Variants in HINFP observed in about 807,000 individuals in gnomAD.
The protein encoded by HINFP is histone H4 transcription factor.
Under a neutral mutation model 50.1 loss-of-function variants are expected in HINFP, and 20 were observed. The ratio of observed to expected loss-of-function variants is 0.40; its 90% CI spans 0.28 to 0.58. The LOEUF (loss-of-function observed/expected upper bound fraction) is 0.58, where lower values mean the gene tolerates loss of function less well. HINFP is among the 20% of genes least tolerant of loss of function. The pLI, the probability that HINFP is intolerant of heterozygous loss-of-function variation, is 0.45. For missense variants in HINFP, 505 were observed against 664.1 expected (o/e 0.76, Z 2.63); for synonymous variants, 247 against 243.7 (o/e 1.01, Z -0.13).
rs534188004 is a variant in HINFP at position 119,133,173 on chromosome 11, C to T, written c.1093C>T (p.Arg365Cys). The change falls in exon 9 of 10, where the codon CGC becomes TGC. Residue 365 changes from arginine (R) to cysteine (C), a missense_variant. Arg to Cys is a radical substitution (Grantham distance 180). Transcript: ENST00000350777. The stretch of plus-strand genomic sequence containing the variant: ...GGGCAACAACCTCACCGTGCACCTT[C>T]GCAAGAAGCACCAGTTCAAGTGGCC... ...TRGNNLTVHL[R>C]KKHQFKWPSG... 2.1e-5 allele frequency: 34 copies of T among 1,614,236 alleles called. No individual in the cohort carries two copies. The Admixed American group carries it at 2.8e-4, about 13-fold the overall frequency.
rs773121194 is a variant in HINFP at position 119,131,565 on chromosome 11, C to T, written c.442C>T (p.Arg148Trp). The change falls in exon 4 of 10, where the codon CGG becomes TGG. Residue 148 changes from arginine (R) to tryptophan (W), a missense_variant. Physicochemically the swap from Arg to Trp is moderately radical, Grantham distance 101 (BLOSUM62 -3). Coordinates refer to ENST00000350777, the MANE Select transcript of HINFP (RefSeq NM_198971.3). This position sits in a 1 kb window ranked among gnomAD's most constrained non-coding sequence, Gnocchi z 4.2. ...CTTCGACAATCCTGAGTGGTTTTAT[C>T]GGCATGTGGAAGCACACAGTCTGTG... Reference protein sequence around the residue: ...NSFDNPEWFYRHVEAHSLCCE... With the variant: ...NSFDNPEWFYWHVEAHSLCCE... 2.5e-6 allele frequency: 4 copies of T among 1,614,100 alleles called. No individual in the cohort carries two copies. Among genetic ancestry groups the T allele is most frequent in the Admixed American group, 1.7e-5 (1 of 60,014 alleles).
In HINFP at chr11:119,131,808, A is replaced by T. The variant is rs115200680; in HGVS notation, c.524-22A>T. The T allele has an allele frequency of 1.1e-3, 1,848 of 1,612,858 alleles. 21 individuals carry two copies. In the African/African-American group the frequency reaches 0.021, roughly 19 times the overall value. On this transcript the variant is annotated intron_variant, in intron 4 of 9. Coordinates refer to ENST00000350777, the MANE Select transcript of HINFP (RefSeq NM_198971.3). This position sits in a 1 kb window ranked among gnomAD's most constrained non-coding sequence, Gnocchi z 4.2. Reference sequence around the variant, plus strand: ...CAAAACTGGGGTTTTGTGGCAGGAGACTGATAGGGCTTCCTTCCCAGGCTG... The same window carrying T: ...CAAAACTGGGGTTTTGTGGCAGGAGTCTGATAGGGCTTCCTTCCCAGGCTG...
At chr11:119,130,521 C>G (rs964834507) in intron 2 of HINFP, 2 of 569,508 alleles carry the variant, frequency 3.5e-6, no homozygotes, top group Admixed American at 3.2e-5. Context: ...GAGTGGGACA[C>G]TTTTTACTTG....
At position 119,134,587 on chromosome 11, in the gene HINFP, G is replaced by T. The variant is rs1024605293; in HGVS notation, c.*89G>T. 1.9e-6 allele frequency: 2 copies of T among 1,055,992 alleles called. No individual in the cohort carries two copies. Among genetic ancestry groups the T allele is most frequent in the African/African-American group, 3.2e-5 (2 of 62,782 alleles). The allele number at this position is 1,055,992 out of a possible 1,614,324, so 65.4% of individuals were successfully genotyped here. A position where few individuals can be genotyped will look rare whatever the true frequency, so the allele number is the denominator to read the frequency against. ...CCCCTAGTGGGCAGCCGTTGCCAAT[G>T]GATGCCTTTAGGAGTGGTGCCGAGA... On this transcript the variant is annotated 3_prime_UTR_variant, in exon 10 of 10. Coordinates refer to ENST00000350777, the MANE Select transcript of HINFP (RefSeq NM_198971.3). The surrounding 1 kb of genome is among the most constrained non-coding windows in gnomAD (Gnocchi z 4.3).
chr11:119,134,376 A>G lies in HINFP; in HGVS notation c.1432A>G (p.Ile478Val), dbSNP rs377669078. The change falls in exon 10 of 10, where the codon ATC becomes GTC. Residue 478 changes from isoleucine (I) to valine (V), a missense_variant. Transcript: ENST00000350777. The surrounding 1 kb of genome is among the most constrained non-coding windows in gnomAD (Gnocchi z 4.3). Reference protein sequence around the residue: ...NQTNAQGQQEIVYYVLSEAPG... With the variant: ...NQTNAQGQQEVVYYVLSEAPG... Reference sequence around the variant, plus strand: ...GACCAATGCCCAAGGCCAGCAAGAGATCGTCTACTATGTGCTGTCTGAAGC... The same window carrying G: ...GACCAATGCCCAAGGCCAGCAAGAGGTCGTCTACTATGTGCTGTCTGAAGC... 1.9e-6 allele frequency: 3 copies of G among 1,614,016 alleles called. No individual in the cohort carries two copies. Among genetic ancestry groups the G allele is most frequent in the African/African-American group, 1.3e-5 (1 of 74,912 alleles).
chr11:119,124,492 T>C (rs1947275676), intron 1 of HINFP: 1 of 152,148 alleles, frequency 6.6e-6, no homozygotes, highest in Non-Finnish European at 1.5e-5. Context: ...GAAATTTTGC[T>C]TGCAACGTCA....
rs1242256656 is a variant in HINFP, at chr11:119,134,264, A to AG, written c.1321dup (p.Glu441GlyfsTer8). On this transcript the variant is annotated frameshift_variant, in exon 10 of 10. Coordinates refer to ENST00000350777, the MANE Select transcript of HINFP (RefSeq NM_198971.3). LOFTEE classifies it low-confidence loss of function (END_TRUNC). This position sits in a 1 kb window ranked among gnomAD's most constrained non-coding sequence, Gnocchi z 4.3. ...TGCCAGGGGAGCCAGGACGTAAGGA[A>AG]GAGGAAGAGGAGGGCAAGGGTAGCG... 6.2e-7 allele frequency: 1 copy of AG among 1,614,074 alleles called. No homozygotes were observed. Among genetic ancestry groups the AG allele is most frequent in the Admixed American group, 1.7e-5 (1 of 60,018 alleles).
chr11:119,123,829 C>T (rs1477447537), intron 1 of HINFP: 1 of 151,194 alleles, frequency 6.6e-6, no homozygotes, highest in Non-Finnish European at 1.5e-5. Flanking sequence ...TCCCCTGCCT[C>T]AGCCTCCATA....
At position 119,130,810 on chromosome 11, in the gene HINFP, C is replaced by G; in HGVS notation, c.267C>G (p.His89Gln). The G allele has an allele frequency of 1.2e-6, 2 of 1,614,256 alleles. No individual in the cohort carries two copies. The highest frequency in any genetic ancestry group is 1.7e-6 in the Non-Finnish European group (2 of 1,180,042). ...ACCTCATCCGCCATGTCTACTTCCA[C>G]TGCTACCACACCAAGCTGAAACAGT... ...SADLIRHVYF[H>Q]CYHTKLKQWG... is the part of the protein sequence containing the mutation. The change falls in exon 3 of 10, where the codon CAC (histidine) becomes CAG (glutamine). Residue 89 changes from histidine (H) to glutamine (Q), a missense_variant. Transcript: ENST00000350777.
Position 119,133,910 on chromosome 11 carries a change from C to A in HINFP, c.1140-174C>A, listed in dbSNP as rs908790021. 1.7e-5 allele frequency: 13 copies of A among 763,972 alleles called. No homozygotes were observed. In the African/African-American group the frequency reaches 1.8e-4, roughly 10 times the overall value. The allele number at this position is 763,972 out of a possible 1,614,324, so 47.3% of individuals were successfully genotyped here. ...TTTCCATTTTGAGTAATGATCTTTC[C>A]CTCTTGCCTTTTCTTCTACATATTC... On this transcript the variant is annotated intron_variant, in intron 9 of 9. Coordinates refer to ENST00000350777, the MANE Select transcript of HINFP (RefSeq NM_198971.3).
Position 119,133,199 on chromosome 11 carries a change from C to T in HINFP, c.1119C>T (p.Pro373=). The part of the protein sequence containing the change: ...HLRKKHQFKW[P]SGHPRFRYKE... Reference sequence around the variant, plus strand: ...GCAAGAAGCACCAGTTCAAGTGGCCCTCAGGGCATCCCCGTTTTCGGTATG... The same window carrying T: ...GCAAGAAGCACCAGTTCAAGTGGCCTTCAGGGCATCCCCGTTTTCGGTATG... Residue 373 remains proline (P), a synonymous_variant, in exon 9 of 10, where the codon CCC becomes CCT. Transcript: ENST00000350777. 2 of 1,614,174 alleles carry T rather than the reference C, an allele frequency of 1.2e-6. No homozygotes were observed. Among genetic ancestry groups the T allele is most frequent in the Non-Finnish European group, 1.7e-6 (2 of 1,180,046 alleles).
Position 119,135,564 on chromosome 11 carries a change from A to T in HINFP, c.*1066A>T, listed in dbSNP as rs1948015246. The T allele has an allele frequency of 6.6e-6, 1 of 151,384 alleles. No individual in the cohort carries two copies. The allele number at this position is 151,384 out of a possible 1,614,324, so 9.4% of individuals were successfully genotyped here. Reference sequence around the variant, plus strand: ...TTGCTAGATTATCAAAGAGATTGAAACCTCCCAAAATAAGAATCATCATTT... The same window carrying T: ...TTGCTAGATTATCAAAGAGATTGAATCCTCCCAAAATAAGAATCATCATTT... On this transcript the variant is annotated 3_prime_UTR_variant, in exon 10 of 10. Transcript: ENST00000350777.
chr11:119,129,621 C>T (rs141270315), intron 2 of HINFP, among the ~76,000 whole-genome samples: 13,480 of 151,458 alleles, frequency 0.089, 748 homozygotes, highest in South Asian at 0.29. Context: ...CCACCAAGCC[C>T]AGCTAATTTT....
Position 119,134,147 on chromosome 11 carries a change from G to C in HINFP, c.1203G>C (p.Leu401=). The change falls in exon 10 of 10, where the codon CTG becomes CTC. Residue 401 remains leucine (L), a synonymous_variant. Coordinates refer to ENST00000350777, the MANE Select transcript of HINFP (RefSeq NM_198971.3). This position sits in a 1 kb window ranked among gnomAD's most constrained non-coding sequence, Gnocchi z 4.3. ...TGGTTCGCTACGAGAGTGTAGAGCT[G>C]ACACAGCAACTGCTGCGGCAACCAC... ...LQLVRYESVE[L]TQQLLRQPQE... 6.2e-7 allele frequency: 1 copy of C among 1,613,822 alleles called. No homozygotes were observed. Among genetic ancestry groups the C allele is most frequent in the Non-Finnish European group, 8.5e-7 (1 of 1,179,928 alleles).
At chr11:119,128,227 TTAA>T (rs1278447810) in intron 2 of HINFP, among the ~76,000 whole-genome samples, 1 of 152,220 alleles carries the variant, frequency 6.6e-6, no homozygotes, top group African/African-American at 2.4e-5. Flanking sequence ...AACTGGGATT[TTAA>T]TAAAATCCAA....
Position 119,127,145 on chromosome 11 carries a change from G to A in HINFP, c.181+20G>A, listed in dbSNP as rs775850716. ...CACTTGGTAAGAGAGCAGGACACAG[G>A]AAGGGGAGGAGCTCAAGGAAAGGTG... On this transcript the variant is annotated intron_variant, in intron 2 of 9. Coordinates refer to ENST00000350777, the MANE Select transcript of HINFP (RefSeq NM_198971.3). 15 of 1,576,522 alleles carry A rather than the reference G, an allele frequency of 9.5e-6. No homozygotes were observed. The South Asian group carries it at 1.5e-4, about 16-fold the overall frequency.
At chr11:119,123,021 C>A (rs769046960) in intron 1 of HINFP, among the ~76,000 whole-genome samples, 1 of 146,216 alleles carries the variant, frequency 6.8e-6, no homozygotes, top group East Asian at 2.1e-4. Context: ...TATAATACTT[C>A]GGAGGCTAAG....
At position 119,132,909 on chromosome 11, in the gene HINFP, C is replaced by G. The variant is rs754573616; in HGVS notation, c.921C>G (p.Ser307Arg). 1 of 1,614,212 alleles carries G rather than the reference C, an allele frequency of 6.2e-7. No individual in the cohort carries two copies. Among genetic ancestry groups the G allele is most frequent in the Non-Finnish European group, 8.5e-7 (1 of 1,180,042 alleles). ...TCCAGAAGCACCTGGATACCCACAG[C>G]GAGGAGCCAGCCTACAGGTGTGATT... is the stretch of plus-strand genomic sequence containing the variant. ...IDLQKHLDTH[S>R]EEPAYRCDFE... The change falls in exon 8 of 10, where the codon AGC becomes AGG. Residue 307 changes from serine to arginine, a missense_variant. Coordinates refer to ENST00000350777, the MANE Select transcript of HINFP (RefSeq NM_198971.3).
rs772737347 is a variant in HINFP at position 119,126,911 on chromosome 11, G to A, written c.-10-24G>A. ...GCACCTGGGTGGAATTCTTGCAGCT[G>A]TGGATTTCTTCCTCTTCCTCTAGGG... On this transcript the variant is annotated intron_variant, in intron 1 of 9. Transcript: ENST00000350777. 4 of 1,580,310 alleles carry A rather than the reference G, an allele frequency of 2.5e-6. No homozygotes were observed. In the South Asian group the frequency reaches 3.5e-5, roughly 14 times the overall value.
Sources: gnomAD v4.1 joint callset for allele counts (sites outside exome capture counted in the v4.1 genomes callset) on GRCh38, gnomAD v4.1.1 for gene constraint, Gnocchi (gnomAD v3.1) non-coding constraint, MANE v1.5 for transcripts, NCBI Gene and HGNC (gene_info 2026-07-23, HGNC 2026-07-21) for gene names.